Variants in SNX16 observed in about 807,000 individuals in gnomAD.
The protein encoded by SNX16 is sorting nexin 16, also known as sorting nexin-16.
A neutral mutation model predicts 36.7 loss-of-function variants in SNX16; 35 were observed. The ratio of observed to expected loss-of-function variants is 0.95; its 90% CI spans 0.73 to 1.27. SNX16 has a LOEUF of 1.27. SNX16 is among the 50% of genes most tolerant of loss of function. The pLI is 0.00. For missense variants in SNX16, 367 were observed against 393.6 expected (o/e 0.93, Z 0.57); for synonymous variants, 134 against 132.0 (o/e 1.02, Z -0.10).
chr8:81,806,118 T>G (rs1454241611), intron 5 of SNX16, among the ~76,000 whole-genome samples: 1 of 152,074 alleles, frequency 6.6e-6, no homozygotes, highest in Non-Finnish European at 1.5e-5. Flanking sequence ...TACAGGTGAA[T>G]TCTAACAAAC....
Position 81,800,848 on chromosome 8 carries a change from T to C in SNX16, c.*649A>G, listed in dbSNP as rs1809655881. 1 of 152,250 alleles carries C rather than the reference T, an allele frequency of 6.6e-6. No individual in the cohort carries two copies. The allele number at this position is 152,250 out of a possible 1,614,324, so 9.4% of individuals were successfully genotyped here. The stretch of plus-strand genomic sequence containing the variant: ...TGACACTTATTAAAGTATTTTGATA[T>C]TAATGAATCAGCTTTTAAAATCAAG... On this transcript the variant is annotated 3_prime_UTR_variant, in exon 8 of 8. Transcript: ENST00000345957.
intron 4 of SNX16, among the ~76,000 whole-genome samples, chr8:81,822,007 C>G (rs10111987): frequency 0.019 from 2,870 of 152,148 alleles, 91 homozygotes; most frequent in African/African-American, 0.065. Context: ...TGTCTCAATT[C>G]TATTGAGACT....
At chr8:81,831,754 C>T (rs1011340386) in intron 2 of SNX16, among the ~76,000 whole-genome samples, 1 of 147,628 alleles carries the variant, frequency 6.8e-6, no homozygotes, top group Non-Finnish European at 1.5e-5. Context: ...TAAAAGTAGG[C>T]AAAAGACATG....
chr8:81,823,014 C>T (rs888672897), intron 4 of SNX16, among the ~76,000 whole-genome samples: 2 of 144,438 alleles, frequency 1.4e-5, no homozygotes, highest in Non-Finnish European at 3.0e-5. Context: ...ATATATCGCA[C>T]GTGTGTCATG....
rs145772609 is a variant in SNX16 at position 81,820,685 on chromosome 8, T to C, written c.611+3107A>G. 2.3e-4 allele frequency among the ~76,000 whole-genome samples: 34 copies of C among 151,036 alleles called. No homozygotes were observed. The East Asian group carries it at 6.6e-3, about 29-fold the overall frequency. ...CCCAAATCCCATTCTCAGTACTGCT[T>C]GACCATTGCAAACAGCACTGATCTC... On this transcript the variant is annotated intron_variant, in intron 4 of 7. Coordinates refer to ENST00000345957, the MANE Select transcript of SNX16 (RefSeq NM_152836.3).
chr8:81,825,255 T>G (rs1047573876), intron 3 of SNX16, among the ~76,000 whole-genome samples: 3 of 152,170 alleles, frequency 2.0e-5, no homozygotes, highest in Non-Finnish European at 4.4e-5. Context: ...CATACTGCTG[T>G]GGCCACTTTT....
chr8:81,807,543 A>AG (rs1810020748), intron 5 of SNX16, among the ~76,000 whole-genome samples: 2 of 146,782 alleles, frequency 1.4e-5, no homozygotes, highest in Non-Finnish European at 3.0e-5. Flanking sequence ...AAAAAAAAAA[A>AG]AAAAGAACTG....
In SNX16 at chr8:81,839,788, C is replaced by T. The variant is rs752908869; in HGVS notation, c.199G>A (p.Val67Ile). 104 of 1,613,702 alleles carry T rather than the reference C, an allele frequency of 6.4e-5. No individual in the cohort carries two copies. Among genetic ancestry groups the T allele is most frequent in the Middle Eastern group, 5.0e-4 (3 of 6,060 alleles). ...VPDQMDNTSS[V>I]CSSPLIRTKF... is the part of the protein sequence containing the mutation. ...GTCCTAATGAGGGGACTGCTACAGA[C>T]AGATGAAGTATTATCCATTTGATCA... The change falls in exon 2 of 8, where the codon GTC becomes ATC. Residue 67 changes from valine to isoleucine, a missense_variant. Transcript: ENST00000345957.
intron 2 of SNX16, among the ~76,000 whole-genome samples, chr8:81,833,293 A>G (rs1460674610): frequency 1.3e-5 from 2 of 152,068 alleles, no homozygotes; most frequent in African/African-American, 4.8e-5. Flanking sequence ...GTTAGGGACT[A>G]TAGATTATCC....
Position 81,802,238 on chromosome 8 carries a change from T to G in SNX16, c.938+142A>C, listed in dbSNP as rs919957569. ...TAAATATTTTAGGAAAAGCCTAAAA[T>G]ATTTCCAATTCATTCTCTGTTTGCT... On this transcript the variant is annotated intron_variant, in intron 7 of 7. Transcript: ENST00000345957. 39 of 532,230 alleles carry G rather than the reference T, an allele frequency of 7.3e-5. No individual in the cohort carries two copies. In the Admixed American group the frequency reaches 1.6e-3, roughly 23 times the overall value. 33.0% of individuals were successfully genotyped at this position (532,230 alleles called of 1,614,324 possible).
At chr8:81,826,844 A>T (rs1412723631) in intron 3 of SNX16, among the ~76,000 whole-genome samples, 1 of 152,222 alleles carries the variant, frequency 6.6e-6, no homozygotes, top group African/African-American at 2.4e-5. Context: ...TAAATTCCTT[A>T]AAGTTAGAAT....
intron 3 of SNX16, 63 bp downstream of exon 3, chr8:81,829,367 A>G: frequency 1.6e-6 from 1 of 627,838 alleles, no homozygotes; most frequent in Non-Finnish European, 2.5e-6. Flanking sequence ...ATATAACAGA[A>G]GTATAGGAAA....
intron 5 of SNX16, among the ~76,000 whole-genome samples, chr8:81,805,958 C>A (rs185074094): frequency 6.6e-5 from 10 of 152,066 alleles, no homozygotes; most frequent in African/African-American, 2.2e-4. Flanking sequence ...AAAATCTATA[C>A]AAAATGGTCA....
chr8:81,811,744 C>A (rs2130637406), intron 5 of SNX16, among the ~76,000 whole-genome samples: 2 of 152,090 alleles, frequency 1.3e-5, no homozygotes, highest in East Asian at 1.9e-4. Flanking sequence ...CCTAAAATAT[C>A]TTGTATTCAA....
intron 2 of SNX16, among the ~76,000 whole-genome samples, chr8:81,831,669 G>T (rs1274844895): frequency 6.9e-6 from 1 of 144,392 alleles, no homozygotes; most frequent in Non-Finnish European, 1.5e-5. Flanking sequence ...CTGCACTCTA[G>T]CGAGTGACAG....
intron 4 of SNX16, among the ~76,000 whole-genome samples, chr8:81,821,816 G>T (rs1563444073): frequency 6.6e-6 from 1 of 151,936 alleles, no homozygotes; most frequent in Non-Finnish European, 1.5e-5. Context: ...TAGATTGGAT[G>T]GTGAATAAAA....
At chr8:81,808,585 AT>A in intron 5 of SNX16, 1 of 973,750 alleles carries the variant, frequency 1.0e-6, no homozygotes, top group Non-Finnish European at 1.6e-6. Context: ...CAGTCTTCAA[AT>A]TTTGGACCCA....
chr8:81,834,976 GC>G (rs1231179293), intron 2 of SNX16, among the ~76,000 whole-genome samples: 1 of 152,182 alleles, frequency 6.6e-6, no homozygotes. Context: ...CTTCCACACA[GC>G]CCTAGCAGCA....
intron 4 of SNX16, among the ~76,000 whole-genome samples, chr8:81,817,042 C>T (rs142261036): frequency 7.7e-4 from 117 of 152,254 alleles, no homozygotes; most frequent in African/African-American, 2.7e-3. Flanking sequence ...GGGGCACCTG[C>T]TATTACATAC....
Sources: gnomAD v4.1 joint callset for allele counts (sites outside exome capture counted in the v4.1 genomes callset) on GRCh38, gnomAD v4.1.1 for gene constraint, MANE v1.5 for transcripts, NCBI Gene and HGNC (gene_info 2026-07-23, HGNC 2026-07-21) for gene names.